The following KIAA1671 variants were observed in gnomAD, a reference collection of about 807,000 sequenced individuals.
KIAA1671 encodes the protein uncharacterized protein KIAA1671.
A neutral mutation model predicts 131.2 loss-of-function variants in KIAA1671; 52 were observed. The observed-to-expected ratio is 0.40, with a 90% CI of 0.32 to 0.50. The LOEUF (loss-of-function observed/expected upper bound fraction) is 0.50, where lower values mean the gene tolerates loss of function less well. Among genes scored for constraint, KIAA1671 ranks in the 20% least tolerant of loss-of-function variants. The pLI is 0.73. For missense variants in KIAA1671, 2,360 were observed against 2,364.2 expected, an observed-to-expected ratio of 1.00 and a Z score of 0.04; for synonymous variants, 1,003 against 961.6, an observed-to-expected ratio of 1.04 and a Z score of -0.80.
chr22:25,041,183 T>A lies in KIAA1671; in HGVS notation c.4053T>A (p.Ser1351=). Residue 1351 remains serine (S), a synonymous_variant, in exon 5 of 13, where the codon TCT becomes TCA. Coordinates refer to ENST00000358431, the MANE Select transcript of KIAA1671 (RefSeq NM_001145206.2). The part of the protein sequence containing the change: ...CQNYLAESKP[S]GREDPGSGVR... ...ATTACCTGGCTGAGTCAAAGCCCTC[T>A]GGTCGGGAGGATCCAGGCAGTGGGG... 6.4e-7 allele frequency: 1 copy of A among 1,551,792 alleles called. No individual in the cohort carries two copies. Among genetic ancestry groups the A allele is most frequent in the South Asian group, 1.2e-5 (1 of 84,064 alleles).
At chr22:25,008,444 G>A (rs1924865830) in intron 1 of KIAA1671, among the ~76,000 whole-genome samples, 1 of 151,946 alleles carries the variant, frequency 6.6e-6, no homozygotes, top group Non-Finnish European at 1.5e-5. Context: ...GGTCGTTGAG[G>A]GTATTAACAG....
intron 6 of KIAA1671, among the ~76,000 whole-genome samples, chr22:25,127,716 T>C (rs1239128375): frequency 6.6e-6 from 1 of 152,224 alleles, no homozygotes; most frequent in Non-Finnish European, 1.5e-5. Context: ...TCATATGCTA[T>C]GTTGGATTTT....
chr22:25,103,442 T>C (rs2145900247), intron 6 of KIAA1671, among the ~76,000 whole-genome samples: 1 of 152,220 alleles, frequency 6.6e-6, no homozygotes, highest in African/African-American at 2.4e-5. Context: ...CACTGCAAGC[T>C]CCGCCTCCTA....
rs533326937 is a variant in KIAA1671 at position 25,149,220 on chromosome 22, C to T, written c.4531-21600C>T. ...TGGTGACTTGCCCAAGGCTGCACAG[C>T]TTCTAGGTGCCTGGGAACCAGGATT... On this transcript the variant is annotated intron_variant, in intron 6 of 12. Coordinates refer to ENST00000358431, the MANE Select transcript of KIAA1671 (RefSeq NM_001145206.2). Among the ~76,000 whole-genome samples, 189 of 152,278 alleles carry T rather than the reference C, an allele frequency of 1.2e-3. 3 individuals are homozygous for T. The South Asian group carries it at 0.031, about 25-fold the overall frequency.
intron 6 of KIAA1671, chr22:25,053,539 C>T (rs1003574159): frequency 2.6e-5 from 4 of 152,204 alleles, no homozygotes; most frequent in Non-Finnish European, 5.9e-5. Context: ...TCCCTGAAAC[C>T]TATTGGTTAG....
At chr22:25,108,410 G>A (rs972740169) in intron 6 of KIAA1671, among the ~76,000 whole-genome samples, 40 of 152,108 alleles carry the variant, frequency 2.6e-4, no homozygotes, top group Admixed American at 2.6e-3. Flanking sequence ...CACTCTGGAC[G>A]TCCTGGGCCT....
intron 6 of KIAA1671, among the ~76,000 whole-genome samples, chr22:25,159,365 G>A (rs1406875804): frequency 2.0e-5 from 3 of 152,168 alleles, no homozygotes; most frequent in East Asian, 1.9e-4. Context: ...ATCATTATGC[G>A]ATGTAGGACC....
chr22:25,084,274 G>A (rs1929576110), intron 6 of KIAA1671, among the ~76,000 whole-genome samples: 1 of 151,992 alleles, frequency 6.6e-6, no homozygotes, highest in African/African-American at 2.4e-5. Flanking sequence ...TTAGGAGTTC[G>A]AAACCACCTG....
intron 6 of KIAA1671, among the ~76,000 whole-genome samples, chr22:25,118,960 C>G (rs1409109846): frequency 1.3e-5 from 2 of 152,162 alleles, no homozygotes; most frequent in Admixed American, 1.3e-4. Flanking sequence ...TGGTGAACTC[C>G]CTGCGTTTCC....
intron 1 of KIAA1671, among the ~76,000 whole-genome samples, chr22:24,967,742 C>G (rs1922370170): frequency 6.6e-6 from 1 of 152,180 alleles, no homozygotes; most frequent in Non-Finnish European, 1.5e-5. Flanking sequence ...CCTGTAATCC[C>G]AGCACTCTGG....
chr22:25,085,765 T>TGAAG (rs929648364), intron 6 of KIAA1671, among the ~76,000 whole-genome samples: 2 of 89,614 alleles, frequency 2.2e-5, no homozygotes, highest in Non-Finnish European at 2.0e-5. Flanking sequence ...TGATAAGTGG[T>TGAAG]GAAGGAAGGA....
intron 1 of KIAA1671, among the ~76,000 whole-genome samples, chr22:24,985,988 CGTGTGTGT>C (rs951238363): frequency 2.0e-5 from 3 of 151,456 alleles, no homozygotes; most frequent in African/African-American, 7.3e-5. Context: ...GACTTGTGTG[CGTGTGTGT>C]GTTATGGGGG....
At position 25,039,146 on chromosome 22, in the gene KIAA1671, C is replaced by T; in HGVS notation, c.2016C>T (p.Asn672=). ...ACATGACAAAACTGAAGAAAGAGAA[C>T]TCCAGAGGGTTTGACAATCCCGAGA... ...PPDMTKLKKE[N]SRGFDNPETE... Residue 672 remains asparagine (N), a synonymous_variant, in exon 5 of 13, where the codon AAC becomes AAT. Coordinates refer to ENST00000358431, the MANE Select transcript of KIAA1671 (RefSeq NM_001145206.2). 6.4e-7 allele frequency: 1 copy of T among 1,551,666 alleles called. No homozygotes were observed. The highest frequency in any genetic ancestry group is 8.7e-7 in the Non-Finnish European group (1 of 1,147,036).
At chr22:25,073,303 A>G (rs1928924970) in intron 6 of KIAA1671, among the ~76,000 whole-genome samples, 1 of 152,180 alleles carries the variant, frequency 6.6e-6, no homozygotes, top group Admixed American at 6.5e-5. Flanking sequence ...CTGGAGCTCA[A>G]GCGATCCTCC....
intron 5 of KIAA1671, chr22:25,048,863 G>A (rs1204696585): frequency 1.2e-5 from 2 of 172,316 alleles, no homozygotes; most frequent in African/African-American, 4.8e-5. Flanking sequence ...GCCAAGCCAG[G>A]TGCCCAGGAC....
intron 2 of KIAA1671, among the ~76,000 whole-genome samples, chr22:25,027,074 A>C (rs961869737): frequency 2.6e-5 from 4 of 152,348 alleles, no homozygotes; most frequent in Admixed American, 2.6e-4. Context: ...GATCTCACTC[A>C]TGGGAAGACC....
intron 6 of KIAA1671, among the ~76,000 whole-genome samples, chr22:25,169,651 T>C (rs1933773628): frequency 1.3e-5 from 2 of 152,142 alleles, no homozygotes; most frequent in South Asian, 2.1e-4. Flanking sequence ...AGCAGACAAA[T>C]GAGGGAAGAC....
chr22:24,953,421 G>A lies in KIAA1671; in HGVS notation c.-208+649G>A, dbSNP rs374177307. ...GGAGGACAGCGCGGTGGTTCGGGGG[G>A]CGTGAGAGGGGCGGCGCGCGGGGCC... On this transcript the variant is annotated intron_variant, in intron 1 of 12. Coordinates refer to ENST00000358431, the MANE Select transcript of KIAA1671 (RefSeq NM_001145206.2). Among the ~76,000 whole-genome samples, 90 of 152,188 alleles carry A rather than the reference G, an allele frequency of 5.9e-4. 2 individuals carry two copies. The East Asian group carries it at 0.012, about 20-fold the overall frequency.
chr22:25,046,234 G>T (rs534113892), intron 5 of KIAA1671, among the ~76,000 whole-genome samples: 1 of 152,052 alleles, frequency 6.6e-6, no homozygotes, highest in Non-Finnish European at 1.5e-5. Context: ...CCCAGGAAGC[G>T]GAGATTGTAG....
Sources: allele counts gnomAD v4.1 joint callset (sites outside exome capture counted in the v4.1 genomes callset), GRCh38; gene constraint gnomAD v4.1.1; transcripts MANE v1.5; gene names NCBI Gene and HGNC (gene_info 2026-07-23, HGNC 2026-07-21).